Variants in SORCS2 observed in about 807,000 individuals in gnomAD.
SORCS2 encodes the protein VPS10 domain-containing receptor SorCS2.
A neutral mutation model predicts 141.6 loss-of-function variants in SORCS2; 100 were observed. The observed-to-expected ratio is 0.71, with a 90% confidence interval of 0.60 to 0.83. The LOEUF is 0.83. Ranked by LOEUF, SORCS2 falls within the 40% of genes least tolerant of loss-of-function variation. SORCS2 has a pLI of 0.00. For synonymous variants in SORCS2, 789 were observed against 676.9 expected, an observed-to-expected ratio of 1.17 and a Z score of -2.57; for missense variants, 1,646 against 1,560.2, an observed-to-expected ratio of 1.05 and a Z score of -0.93.
At chr4:7,525,945 A>C (rs1187018143) in intron 2 of SORCS2, among the ~76,000 whole-genome samples, 2 of 68,134 alleles carry the variant, frequency 2.9e-5, no homozygotes, top group Non-Finnish European at 5.7e-5. Flanking sequence ...TCCCCTCCTC[A>C]GTCACCTGTC....
intron 1 of SORCS2, among the ~76,000 whole-genome samples, chr4:7,238,854 G>C (rs1016250248): frequency 6.6e-6 from 1 of 152,176 alleles, no homozygotes; most frequent in Non-Finnish European, 1.5e-5. Flanking sequence ...AGCCCTCTGA[G>C]GTCTGTCCCG....
intron 2 of SORCS2, among the ~76,000 whole-genome samples, chr4:7,496,477 C>CCATCCCCCGTCCCA (rs1560332509): frequency 3.3e-4 from 42 of 128,284 alleles, no homozygotes; most frequent in Admixed American, 5.0e-4. Flanking sequence ...CCCCCGTCCC[C>CCATCCCCCGTCCCA]CATCCCCCAT....
chr4:7,557,731 C>T (rs1379989601), intron 3 of SORCS2, among the ~76,000 whole-genome samples: 1 of 152,154 alleles, frequency 6.6e-6, no homozygotes, highest in East Asian at 1.9e-4. Flanking sequence ...ACAGGCAATC[C>T]CCAAGGCCTC....
intron 2 of SORCS2, among the ~76,000 whole-genome samples, chr4:7,466,405 C>T (rs949523314): frequency 6.6e-6 from 1 of 152,132 alleles, no homozygotes; most frequent in African/African-American, 2.4e-5. Flanking sequence ...AGCTCAGTCA[C>T]GTGGCCACGC....
chr4:7,335,586 G>A (rs1269071811), intron 1 of SORCS2, among the ~76,000 whole-genome samples: 2 of 152,240 alleles, frequency 1.3e-5, no homozygotes, highest in Non-Finnish European at 2.9e-5. Flanking sequence ...GGCAGCTGCA[G>A]TCTTGCTGGA....
intron 1 of SORCS2, among the ~76,000 whole-genome samples, chr4:7,336,086 G>A (rs1298615932): frequency 6.6e-6 from 1 of 152,226 alleles, no homozygotes; most frequent in Non-Finnish European, 1.5e-5. Context: ...GGAGTGTCAG[G>A]TGACAATTGC....
In SORCS2 at chr4:7,416,403, G is replaced by A. The variant is rs114185018; in HGVS notation, c.548+20048G>A. On this transcript the variant is annotated intron_variant, in intron 2 of 26. Coordinates refer to ENST00000507866, the MANE Select transcript of SORCS2 (RefSeq NM_020777.3). ...TCCAAGCATGTGTGTTCCTGGAGGGGCTGAGTCTGGGGCAGGACTCAGTAC... is the reference window on the plus strand; with the variant it reads ...TCCAAGCATGTGTGTTCCTGGAGGGACTGAGTCTGGGGCAGGACTCAGTAC... 6.8e-3 allele frequency among the ~76,000 whole-genome samples: 1,038 copies of A among 152,266 alleles called. 9 individuals carry two copies. The highest frequency in any genetic ancestry group is 0.023 in the African/African-American group (963 of 41,540).
chr4:7,349,362 G>T (rs73210415), intron 1 of SORCS2, among the ~76,000 whole-genome samples: 4,499 of 152,240 alleles, frequency 0.03, 95 homozygotes, highest in Non-Finnish European at 0.045. Context: ...CTGAGTCAAG[G>T]TGTGGGGTCT....
intron 1 of SORCS2, among the ~76,000 whole-genome samples, chr4:7,235,532 C>T (rs994125823): frequency 1.2e-4 from 19 of 152,318 alleles, no homozygotes; most frequent in African/African-American, 3.6e-4. Flanking sequence ...GAACACAGAG[C>T]GGGTGGATGG....
intron 1 of SORCS2, among the ~76,000 whole-genome samples, chr4:7,284,494 G>A (rs1037854192): frequency 1.3e-5 from 2 of 152,180 alleles, no homozygotes; most frequent in Non-Finnish European, 1.5e-5. Context: ...GGACTTTCTC[G>A]CTGTGCAGAC....
intron 5 of SORCS2, among the ~76,000 whole-genome samples, chr4:7,655,665 C>T (rs954928407): frequency 2.0e-5 from 3 of 152,232 alleles, no homozygotes; most frequent in African/African-American, 7.2e-5. Context: ...GTTCCTCCCT[C>T]GGAAACCAGA....
chr4:7,324,133 C>G (rs1245844905), intron 1 of SORCS2, among the ~76,000 whole-genome samples: 3 of 152,224 alleles, frequency 2.0e-5, no homozygotes, highest in Non-Finnish European at 4.4e-5. Context: ...GATTCAAACC[C>G]AGGCAGTCTG....
chr4:7,581,167 A>T, intron 3 of SORCS2, among the ~76,000 whole-genome samples: 1 of 151,534 alleles, frequency 6.6e-6, no homozygotes, highest in African/African-American at 2.4e-5. Context: ...AAAAAAAAAA[A>T]GCTACAATAA....
chr4:7,509,046 C>G (rs950292857), intron 2 of SORCS2, among the ~76,000 whole-genome samples: 1 of 152,170 alleles, frequency 6.6e-6, no homozygotes, highest in African/African-American at 2.4e-5. Flanking sequence ...CGTGGGTAAC[C>G]ATTCATCTGA....
chr4:7,288,362 G>T (rs1479276756), intron 1 of SORCS2, among the ~76,000 whole-genome samples: 1 of 151,990 alleles, frequency 6.6e-6, no homozygotes. Flanking sequence ...GCCCATAGGG[G>T]AGTGAGGGGC....
At chr4:7,393,579 A>C (rs145472906) in intron 1 of SORCS2, among the ~76,000 whole-genome samples, 57 of 152,206 alleles carry the variant, frequency 3.7e-4, no homozygotes, top group African/African-American at 1.2e-3. Flanking sequence ...AAAATATTGA[A>C]GCGCTCTCTG....
chr4:7,578,257 C>T (rs981612435), intron 3 of SORCS2, among the ~76,000 whole-genome samples: 30 of 152,216 alleles, frequency 2.0e-4, no homozygotes, highest in Admixed American at 2.6e-4. Flanking sequence ...ACCAGATGGG[C>T]TGCCTGATCT....
At chr4:7,235,836 C>T (rs961874219) in intron 1 of SORCS2, among the ~76,000 whole-genome samples, 2 of 152,142 alleles carry the variant, frequency 1.3e-5, no homozygotes, top group Admixed American at 6.5e-5. Context: ...CTTCTGGATT[C>T]CCGGGCAGCT....
chr4:7,592,720 TGTG>T (rs1291674142), intron 3 of SORCS2, among the ~76,000 whole-genome samples: 3 of 152,306 alleles, frequency 2.0e-5, no homozygotes, highest in African/African-American at 7.2e-5. Context: ...CAGAAGCCAT[TGTG>T]GTGATGGGTT....
Sources: allele counts gnomAD v4.1 joint callset (sites outside exome capture counted in the v4.1 genomes callset), GRCh38; gene constraint gnomAD v4.1.1; transcripts MANE v1.5; gene names NCBI Gene and HGNC (gene_info 2026-07-23, HGNC 2026-07-21).